Variants in GPC5 observed in about 807,000 individuals in gnomAD.
GPC5 encodes the protein glypican-5.
Under a neutral mutation model 53.9 loss-of-function variants are expected in GPC5, and 47 were observed. The ratio of observed to expected loss-of-function variants is 0.87; its 90% CI spans 0.69 to 1.11. GPC5 has a LOEUF of 1.11. Ranked by LOEUF, GPC5 falls within the 50% of genes most tolerant of loss-of-function variation. The pLI is 0.00. For missense variants in GPC5, 748 were observed against 713.1 expected (o/e 1.05, Z -0.56); for synonymous variants, 286 against 263.3 (o/e 1.09, Z -0.84).
intron 7 of GPC5, among the ~76,000 whole-genome samples, chr13:92,614,118 A>G (rs1884600300): frequency 6.6e-6 from 1 of 152,114 alleles, no homozygotes; most frequent in African/African-American, 2.4e-5. Context: ...TCTCCACCCT[A>G]TCAACTCTCA....
chr13:91,506,848 C>T (rs1314022711), intron 2 of GPC5, among the ~76,000 whole-genome samples: 1 of 151,930 alleles, frequency 6.6e-6, no homozygotes, highest in East Asian at 1.9e-4. Flanking sequence ...AATAATTTGA[C>T]TATTTGATTA....
At chr13:92,100,229 C>A (rs551456855) in intron 6 of GPC5, among the ~76,000 whole-genome samples, 27 of 152,116 alleles carry the variant, frequency 1.8e-4, no homozygotes, top group African/African-American at 5.3e-4. Flanking sequence ...ATGGTGAAAC[C>A]CTGTCTCTCC....
chr13:92,379,981 C>T (rs72638679), intron 7 of GPC5, among the ~76,000 whole-genome samples: 1,594 of 152,276 alleles, frequency 0.01, 24 homozygotes, highest in Admixed American at 0.02. Context: ...GTTCACTTTA[C>T]CCATCCAATG....
chr13:91,576,261 A>T (rs772953590), intron 2 of GPC5, among the ~76,000 whole-genome samples: 5 of 152,016 alleles, frequency 3.3e-5, no homozygotes, highest in Non-Finnish European at 7.4e-5. Flanking sequence ...AAGTGTTCTT[A>T]TCACAAAAAA....
At chr13:91,994,505 T>C (rs1010125779) in intron 6 of GPC5, 3 of 152,336 alleles carry the variant, frequency 2.0e-5, no homozygotes, top group East Asian at 1.9e-4. Context: ...GAATTATCAA[T>C]TGTTAATGAT....
intron 6 of GPC5, among the ~76,000 whole-genome samples, chr13:92,004,002 C>A (rs2040580682): frequency 6.6e-6 from 1 of 152,134 alleles, no homozygotes; most frequent in Admixed American, 6.5e-5. Context: ...GAAGTATATA[C>A]CATGAACATC....
chr13:91,672,796 A>C (rs1375451778), intron 2 of GPC5, among the ~76,000 whole-genome samples: 1 of 152,238 alleles, frequency 6.6e-6, no homozygotes, highest in Non-Finnish European at 1.5e-5. Context: ...TGTTTATTGC[A>C]GCACTATTTA....
In GPC5 at chr13:92,096,137, T is replaced by C. The variant is rs1288963256; in HGVS notation, c.1402-48693T>C. On this transcript the variant is annotated intron_variant, in intron 6 of 7. Coordinates refer to ENST00000377067, the MANE Select transcript of GPC5 (RefSeq NM_004466.6). Reference sequence around the variant, plus strand: ...ATGACCGTCTTTGGAAAAGCAAAATTTCATTACTTACTAGCAGTTTGTATC... The same window carrying C: ...ATGACCGTCTTTGGAAAAGCAAAATCTCATTACTTACTAGCAGTTTGTATC... Among the ~76,000 whole-genome samples the C allele has an allele frequency of 2.0e-5, 3 of 152,144 alleles. No individual in the cohort carries two copies. The East Asian group carries it at 5.8e-4, about 29-fold the overall frequency.
intron 7 of GPC5, among the ~76,000 whole-genome samples, chr13:92,746,065 T>C (rs1284851940): frequency 6.6e-6 from 1 of 152,154 alleles, no homozygotes; most frequent in African/African-American, 2.4e-5. Flanking sequence ...TCCCACATTC[T>C]TGAATATTCA....
At chr13:91,826,905 T>G (rs1182700397) in intron 5 of GPC5, among the ~76,000 whole-genome samples, 1 of 151,044 alleles carries the variant, frequency 6.6e-6, no homozygotes, top group Non-Finnish European at 1.5e-5. Flanking sequence ...AATTTAAGAG[T>G]GGAAAGATGG....
intron 7 of GPC5, among the ~76,000 whole-genome samples, chr13:92,805,125 A>G (rs779463995): frequency 1.3e-5 from 2 of 152,046 alleles, no homozygotes; most frequent in African/African-American, 2.4e-5. Context: ...ATTCCTGTCA[A>G]AGTTGACATT....
chr13:91,980,478 C>A (rs1566376208), intron 6 of GPC5, among the ~76,000 whole-genome samples: 1 of 152,158 alleles, frequency 6.6e-6, no homozygotes, highest in Non-Finnish European at 1.5e-5. Flanking sequence ...CACCCAGAAG[C>A]CCCTTTCTCC....
intron 6 of GPC5, among the ~76,000 whole-genome samples, chr13:92,132,148 G>GA (rs977326701): frequency 6.6e-6 from 1 of 151,962 alleles, no homozygotes; most frequent in Non-Finnish European, 1.5e-5. Flanking sequence ...ATTTCCTCAG[G>GA]AAAAAATGAA....
At chr13:92,525,133 A>C (rs1215191988) in intron 7 of GPC5, among the ~76,000 whole-genome samples, 1 of 152,086 alleles carries the variant, frequency 6.6e-6, no homozygotes, top group Non-Finnish European at 1.5e-5. Flanking sequence ...GAGTCTGCAC[A>C]GTCTCTGTAG....
chr13:92,460,924 T>C (rs1003388426), intron 7 of GPC5, among the ~76,000 whole-genome samples: 1 of 152,142 alleles, frequency 6.6e-6, no homozygotes, highest in East Asian at 1.9e-4. Flanking sequence ...ATGAGTTGTA[T>C]TGCAGGAAAG....
intron 7 of GPC5, among the ~76,000 whole-genome samples, chr13:92,473,178 G>A (rs941006274): frequency 6.6e-6 from 1 of 151,998 alleles, no homozygotes; most frequent in African/African-American, 2.4e-5. Context: ...TAGGTCTAAT[G>A]CATTTATAAT....
At chr13:92,249,990 A>G (rs1309302900) in intron 7 of GPC5, among the ~76,000 whole-genome samples, 1 of 151,558 alleles carries the variant, frequency 6.6e-6, no homozygotes, top group Non-Finnish European at 1.5e-5. Context: ...AGTGATCAAT[A>G]TAACTCAGTT....
intron 2 of GPC5, among the ~76,000 whole-genome samples, chr13:91,540,858 C>T (rs2029887429): frequency 6.6e-6 from 1 of 151,808 alleles, no homozygotes; most frequent in African/African-American, 2.4e-5. Flanking sequence ...TTTACATCCT[C>T]CAGAGTCCAT....
At position 92,421,278 on chromosome 13, in the gene GPC5, C is replaced by T. The variant is rs540749086; in HGVS notation, c.1561+276289C>T. 2.6e-5 allele frequency among the ~76,000 whole-genome samples: 4 copies of T among 152,264 alleles called. No homozygotes were observed. In the South Asian group the frequency reaches 8.3e-4, roughly 32 times the overall value. Reference sequence around the variant, plus strand: ...TGCTCCTCCCAAGCTGTGGTGCTGACTGGAGTGGAGAAAAGGGAACATGGA... The same window carrying T: ...TGCTCCTCCCAAGCTGTGGTGCTGATTGGAGTGGAGAAAAGGGAACATGGA... On this transcript the variant is annotated intron_variant, in intron 7 of 7. Coordinates refer to ENST00000377067, the MANE Select transcript of GPC5 (RefSeq NM_004466.6).
Sources: gnomAD v4.1 joint callset for allele counts (sites outside exome capture counted in the v4.1 genomes callset) on GRCh38, gnomAD v4.1.1 for gene constraint, MANE v1.5 for transcripts, NCBI Gene and HGNC (gene_info 2026-07-23, HGNC 2026-07-21) for gene names.